The following TMEM163 variants were observed in gnomAD, a reference collection of about 807,000 sequenced individuals.
TMEM163 encodes the protein transmembrane protein 163.
Under a neutral mutation model 29.3 loss-of-function variants are expected in TMEM163, and 17 were observed. The ratio of observed to expected loss-of-function variants is 0.58; its 90% CI spans 0.40 to 0.87. The LOEUF (loss-of-function observed/expected upper bound fraction) is 0.87, where lower values mean the gene tolerates loss of function less well. Among genes scored for constraint, TMEM163 ranks in the 40% least tolerant of loss-of-function variants. TMEM163 has a pLI of 0.00. For synonymous variants in TMEM163, 157 were observed against 160.6 expected (o/e 0.98, Z 0.17); for missense variants, 303 against 381.5 (o/e 0.79, Z 1.71).
At chr2:134,676,432 A>AT (rs1291743853) in intron 2 of TMEM163, among the ~76,000 whole-genome samples, 1 of 152,176 alleles carries the variant, frequency 6.6e-6, no homozygotes, top group Non-Finnish European at 1.5e-5. Context: ...CACTGGCTGC[A>AT]TTGTTTAGTA....
intron 6 of TMEM163, among the ~76,000 whole-genome samples, chr2:134,463,596 G>A (rs570008312): frequency 6.6e-6 from 1 of 152,350 alleles, no homozygotes; most frequent in East Asian, 1.9e-4. Context: ...GCCTCAGTAT[G>A]CTGTGTCATT....
At chr2:134,486,149 T>C (rs910850894) in intron 5 of TMEM163, among the ~76,000 whole-genome samples, 1 of 152,234 alleles carries the variant, frequency 6.6e-6, no homozygotes, top group African/African-American at 2.4e-5. Context: ...ACACTCTTCA[T>C]GCAAAATACC....
intron 4 of TMEM163, among the ~76,000 whole-genome samples, chr2:134,512,885 C>T (rs6430520): frequency 0.24 from 36,115 of 152,100 alleles, 5,752 homozygotes; most frequent in East Asian, 0.49. Flanking sequence ...GGGAGAGCAG[C>T]GTGCAGGCTG....
chr2:134,575,038 G>T (rs941355993), intron 2 of TMEM163, among the ~76,000 whole-genome samples: 2 of 151,226 alleles, frequency 1.3e-5, no homozygotes, highest in Non-Finnish European at 2.9e-5. Flanking sequence ...GACATGTGGG[G>T]CTCTGTGGGG....
chr2:134,631,691 C>G (rs548052871), intron 2 of TMEM163, among the ~76,000 whole-genome samples: 1 of 152,240 alleles, frequency 6.6e-6, no homozygotes, highest in South Asian at 2.1e-4. Context: ...ATGTGCTGGG[C>G]CTTGGCTAAA....
chr2:134,487,432 G>T (rs1000135292), intron 5 of TMEM163, among the ~76,000 whole-genome samples: 5 of 152,132 alleles, frequency 3.3e-5, no homozygotes, highest in African/African-American at 1.2e-4. Flanking sequence ...AACAGAGAAG[G>T]ATGAAATGGA....
chr2:134,686,300 G>A (rs1684349093), intron 2 of TMEM163, among the ~76,000 whole-genome samples: 1 of 152,228 alleles, frequency 6.6e-6, no homozygotes, highest in Non-Finnish European at 1.5e-5. Flanking sequence ...GGTGGAGGAA[G>A]GGAGAGGAGG....
chr2:134,622,168 CTG>C (rs1390200423), intron 2 of TMEM163, among the ~76,000 whole-genome samples: 1 of 152,110 alleles, frequency 6.6e-6, no homozygotes, highest in Middle Eastern at 3.2e-3. Context: ...AGAATAGAGA[CTG>C]AACACAAGTG....
intron 6 of TMEM163, 99 bp from the exon 7 acceptor site, chr2:134,458,272 G>C: frequency 6.9e-7 from 1 of 1,452,224 alleles, no homozygotes; most frequent in Non-Finnish European, 9.5e-7. Context: ...AGCATGTGCT[G>C]GGAGGAATGA....
At chr2:134,549,222 T>C (rs1331482856) in intron 4 of TMEM163, among the ~76,000 whole-genome samples, 21 of 152,224 alleles carry the variant, frequency 1.4e-4, no homozygotes, top group Admixed American at 1.4e-3. Flanking sequence ...GAGTCAGTTA[T>C]GGTGTCATCT....
intron 4 of TMEM163, among the ~76,000 whole-genome samples, chr2:134,507,250 C>T (rs982088961): frequency 4.0e-5 from 6 of 151,524 alleles, no homozygotes; most frequent in Non-Finnish European, 5.9e-5. Context: ...GCAGGAGAAT[C>T]GCTTGAACCT....
intron 2 of TMEM163, among the ~76,000 whole-genome samples, chr2:134,591,484 C>T (rs6722458): frequency 0.02 from 3,102 of 152,288 alleles, 113 homozygotes; most frequent in African/African-American, 0.069. Context: ...TCTCCTATCT[C>T]ATCCTGTGAC....
chr2:134,718,238 G>A (rs13018063), intron 1 of TMEM163, among the ~76,000 whole-genome samples: 32,185 of 152,232 alleles, frequency 0.21, 3,859 homozygotes, highest in Middle Eastern at 0.4. Flanking sequence ...GCCCTTCGCC[G>A]GGGCGGGCAG....
rs60230448 is a variant in TMEM163, at chr2:134,648,304, CCTCTTCTCTTCTCTTCTCTT to C, written c.322+64876_322+64895del. On this transcript the variant is annotated intron_variant, in intron 2 of 7. Transcript: ENST00000281924. ...TAGTCTCTGGCATCTCACTGCTTCT[CCTCTTCTCTTCTCTTCTCTT>C]CTCTTCTCTTCTCTTCTCTTCTCTG... Among the ~76,000 whole-genome samples the C allele has an allele frequency of 3.0e-3, 426 of 143,230 alleles. 3 individuals are homozygous for C. The highest frequency in any genetic ancestry group is 0.011 in the African/African-American group (396 of 36,956). The allele number at this position is 143,230 out of a possible 152,430, so 94.0% of individuals were successfully genotyped here.
chr2:134,474,911 C>T (rs1686881272), intron 5 of TMEM163, among the ~76,000 whole-genome samples: 1 of 152,054 alleles, frequency 6.6e-6, no homozygotes, highest in Admixed American at 6.6e-5. Flanking sequence ...TAGTTCTCCC[C>T]AAACCGATCT....
At chr2:134,487,106 C>A (rs1298544657) in intron 5 of TMEM163, among the ~76,000 whole-genome samples, 1 of 152,034 alleles carries the variant, frequency 6.6e-6, no homozygotes, top group African/African-American at 2.4e-5. Flanking sequence ...TAGGATAGCA[C>A]CCTTACCACC....
chr2:134,693,652 T>C (rs1023960588), intron 2 of TMEM163, among the ~76,000 whole-genome samples: 3 of 144,740 alleles, frequency 2.1e-5, no homozygotes, highest in South Asian at 4.5e-4. Flanking sequence ...GCCTACAGCA[T>C]GATGGAGCTT....
In TMEM163 at chr2:134,511,158, G is replaced by GGT. The variant is rs1553475817; in HGVS notation, c.459-8162_459-8161insAC. 2.7e-5 allele frequency among the ~76,000 whole-genome samples: 4 copies of GGT among 150,180 alleles called. No homozygotes were observed. In the East Asian group the frequency reaches 7.9e-4, roughly 30 times the overall value. ...GAAAAAAGGGGAGAACAAGGCGGGG[G>GGT]GGGGTGCTGTTACTTTATATCCAGT... On this transcript the variant is annotated intron_variant, in intron 4 of 7. Coordinates refer to ENST00000281924, the MANE Select transcript of TMEM163 (RefSeq NM_030923.5).
chr2:134,480,601 A>G (rs1299026191), intron 5 of TMEM163, among the ~76,000 whole-genome samples: 1 of 152,180 alleles, frequency 6.6e-6, no homozygotes, highest in Non-Finnish European at 1.5e-5. Flanking sequence ...GATCACACTG[A>G]TTTAGGAACA....
Sources: gnomAD v4.1 joint callset for allele counts (sites outside exome capture counted in the v4.1 genomes callset) on GRCh38, gnomAD v4.1.1 for gene constraint, MANE v1.5 for transcripts, NCBI Gene and HGNC (gene_info 2026-07-23, HGNC 2026-07-21) for gene names.